The following ESRRG variants were observed in gnomAD, a reference collection of about 807,000 sequenced individuals.
ESRRG encodes the protein estrogen related receptor gamma.
In ESRRG, 13 loss-of-function variants were observed where a neutral mutation model predicts 44.0. The observed-to-expected ratio is 0.30, with a 90% CI of 0.19 to 0.47. The LOEUF (loss-of-function observed/expected upper bound fraction) is 0.47. Among genes scored for constraint, ESRRG ranks in the 20% least tolerant of loss-of-function variants. The probability of loss-of-function intolerance (pLI) is 1.00; values close to 1 mark genes in which losing one functional copy is unlikely to be tolerated. For missense variants in ESRRG, 395 were observed against 580.6 expected (o/e 0.68, Z 3.29); for synonymous variants, 215 against 214.6 (o/e 1.00, Z -0.02).
rs143572392 is a variant in ESRRG at position 216,856,058 on chromosome 1, T to C, written c.-14+83524A>G. On this transcript the variant is annotated intron_variant, in intron 2 of 7. Coordinates refer to the ESRRG transcript ENST00000359162. ...AAGAGGTGACCTACTACCTGGGGCATTGTGTTGACACCTATGGATACCAAA... is the reference window on the plus strand; with the variant it reads ...AAGAGGTGACCTACTACCTGGGGCACTGTGTTGACACCTATGGATACCAAA... Among the ~76,000 whole-genome samples the C allele has an allele frequency of 3.2e-4, 48 of 152,248 alleles. No homozygotes were observed. In the East Asian group the frequency reaches 9.1e-3, roughly 29 times the overall value.
At position 216,577,962 on chromosome 1, in the gene ESRRG, G is replaced by A. The variant is rs1318431307; in HGVS notation, c.590-9864C>T. On this transcript the variant is annotated intron_variant, in intron 3 of 6. Coordinates refer to ENST00000408911, the MANE Select transcript of ESRRG (RefSeq NM_001438.4). ...TGAGCCAATGTGTTAGCAATTCACT[G>A]AAGACAATAAAATGTATTACCAGAC... 4.6e-5 allele frequency among the ~76,000 whole-genome samples: 7 copies of A among 152,096 alleles called. No homozygotes were observed. The South Asian group carries it at 1.0e-3, about 23-fold the overall frequency.
chr1:216,909,603 T>C (rs1339997183), intron 2 of ESRRG, among the ~76,000 whole-genome samples: 1 of 152,166 alleles, frequency 6.6e-6, no homozygotes, highest in Non-Finnish European at 1.5e-5. Flanking sequence ...CAGGCTGGTC[T>C]CAAACTCCTG....
At chr1:216,662,092 C>A (rs1450140798) in intron 2 of ESRRG, among the ~76,000 whole-genome samples, 1 of 152,056 alleles carries the variant, frequency 6.6e-6, no homozygotes, top group Non-Finnish European at 1.5e-5. Flanking sequence ...TAGCAGAGTT[C>A]CTGACAGGGA....
intron 1 of ESRRG, among the ~76,000 whole-genome samples, chr1:216,688,393 C>A (rs1044142598): frequency 3.9e-5 from 6 of 152,144 alleles, no homozygotes; most frequent in African/African-American, 1.2e-4. Context: ...TCGCAAAGAA[C>A]CTTTAATTTC....
chr1:217,008,460 C>A (rs2078076006), intron 1 of ESRRG, among the ~76,000 whole-genome samples: 1 of 152,178 alleles, frequency 6.6e-6, no homozygotes, highest in Non-Finnish European at 1.5e-5. Context: ...AGAAGGCAAC[C>A]AGTAGGGAAA....
intron 2 of ESRRG, among the ~76,000 whole-genome samples, chr1:216,887,965 T>A (rs992797108): frequency 6.6e-5 from 10 of 152,064 alleles, no homozygotes; most frequent in Non-Finnish European, 1.3e-4. Flanking sequence ...TGGTGGTTTC[T>A]CTGCCTGATT....
rs11117614 is a variant in ESRRG, at chr1:216,551,265, G to C, written c.862+12954C>G. ...AGGCTCTTAATATATACTTTGTTTA[G>C]TGCATAAATGAATAGGCATGAGCTT... On this transcript the variant is annotated intron_variant, in intron 5 of 6. Transcript: ENST00000408911. 8.4e-3 allele frequency among the ~76,000 whole-genome samples: 1,278 copies of C among 152,230 alleles called. 18 individuals carry two copies. Among genetic ancestry groups the C allele is most frequent in the African/African-American group, 0.03 (1,235 of 41,548 alleles).
intron 3 of ESRRG, among the ~76,000 whole-genome samples, chr1:216,568,683 A>T (rs11572764): frequency 0.14 from 21,851 of 152,192 alleles, 2,065 homozygotes; most frequent in Non-Finnish European, 0.21. Flanking sequence ...TGTTATTTAC[A>T]TTTTGGCACA....
chr1:216,821,564 A>C (rs2095288439), intron 2 of ESRRG, among the ~76,000 whole-genome samples: 1 of 151,496 alleles, frequency 6.6e-6, no homozygotes, highest in African/African-American at 2.4e-5. Context: ...CTATTCCCGT[A>C]GTCCCAGCTA....
At chr1:217,127,594 A>G (rs1416506270) in intron 1 of ESRRG, among the ~76,000 whole-genome samples, 1 of 152,220 alleles carries the variant, frequency 6.6e-6, no homozygotes, top group Non-Finnish European at 1.5e-5. Context: ...AAGCAACATA[A>G]TGTGGTAAGT....
chr1:216,515,187 G>A (rs188778111), intron 6 of ESRRG, among the ~76,000 whole-genome samples: 1 of 151,952 alleles, frequency 6.6e-6, no homozygotes, highest in Non-Finnish European at 1.5e-5. Flanking sequence ...TGGAATTAGA[G>A]AGTAGAAAAT....
chr1:216,955,086 T>G lies in ESRRG; in HGVS notation c.-105-15413A>C, dbSNP rs183561763. ...TTCTCTTCTAGATTTTTTGAACATA[T>G]ACACTAAATTATTATTAATGATATC... On this transcript the variant is annotated intron_variant, in intron 1 of 7. Transcript: ENST00000359162. Among the ~76,000 whole-genome samples the G allele has an allele frequency of 2.7e-3, 413 of 152,258 alleles. 12 individuals are homozygous for G. The highest frequency in any genetic ancestry group is 1.0e-3 in the Non-Finnish European group (70 of 68,002).
At chr1:217,078,742 T>C (rs2091521794) in intron 1 of ESRRG, among the ~76,000 whole-genome samples, 1 of 152,224 alleles carries the variant, frequency 6.6e-6, no homozygotes, top group Non-Finnish European at 1.5e-5. Context: ...CATTTCCCTC[T>C]GCTTCTTATA....
At chr1:216,744,118 A>C (rs1286600178) in intron 2 of ESRRG, among the ~76,000 whole-genome samples, 1 of 152,168 alleles carries the variant, frequency 6.6e-6, no homozygotes, top group African/African-American at 2.4e-5. Context: ...TTAAGAGAAC[A>C]AAGCCATAGA....
At chr1:216,805,805 T>G (rs947053738) in intron 2 of ESRRG, among the ~76,000 whole-genome samples, 1 of 152,172 alleles carries the variant, frequency 6.6e-6, no homozygotes, top group African/African-American at 2.4e-5. Flanking sequence ...TATTTGTTTT[T>G]GTTTCAGTCT....
chr1:217,091,458 C>A (rs1382362943), upstream of ESRRG, among the ~76,000 whole-genome samples: 10 of 152,208 alleles, frequency 6.6e-5, no homozygotes, highest in Non-Finnish European at 1.5e-4. Flanking sequence ...CTTACTAGAT[C>A]TTTTCCCTTT....
At chr1:217,120,929 C>T (rs1321775787) in intron 1 of ESRRG, among the ~76,000 whole-genome samples, 1 of 152,154 alleles carries the variant, frequency 6.6e-6, no homozygotes. Flanking sequence ...ATAAGCTCCA[C>T]ATGGGCAAGG....
At chr1:216,981,171 G>T (rs1277119112) in intron 1 of ESRRG, among the ~76,000 whole-genome samples, 1 of 152,130 alleles carries the variant, frequency 6.6e-6, no homozygotes, top group Non-Finnish European at 1.5e-5. Context: ...TCGAGTGGGA[G>T]TTATGTATAT....
At chr1:216,841,855 AAAC>A (rs1468987073) in intron 2 of ESRRG, among the ~76,000 whole-genome samples, 1 of 152,210 alleles carries the variant, frequency 6.6e-6, no homozygotes, top group Non-Finnish European at 1.5e-5. Flanking sequence ...AAGAAAGAAA[AAAC>A]AAGAAGAAAA....
Sources: allele counts gnomAD v4.1 joint callset (sites outside exome capture counted in the v4.1 genomes callset), GRCh38; gene constraint gnomAD v4.1.1; transcripts MANE v1.5; gene names NCBI Gene and HGNC (gene_info 2026-07-23, HGNC 2026-07-21).